The following NOL8 variants were observed in gnomAD, a reference collection of about 807,000 sequenced individuals.
NOL8 encodes nucleolar protein Nop132.
In NOL8, 93 loss-of-function variants were observed where a neutral mutation model predicts 116.1. That is an observed-to-expected ratio of 0.80 (90% CI 0.68 to 0.95). NOL8 has a LOEUF of 0.95. Ranked by LOEUF, NOL8 falls within the 40% of genes least tolerant of loss-of-function variation. The probability of loss-of-function intolerance (pLI) is 0.00; values close to 1 mark genes in which losing one functional copy is unlikely to be tolerated. For synonymous variants in NOL8, 419 were observed against 469.0 expected (o/e 0.89, Z 1.38); for missense variants, 1,291 against 1,382.8 (o/e 0.93, Z 1.05).
chr9:92,307,502 G>A (rs1230500747), intron 10 of NOL8, among the ~76,000 whole-genome samples: 3 of 151,922 alleles, frequency 2.0e-5, no homozygotes, highest in Non-Finnish European at 4.4e-5. Context: ...AAGTATTATG[G>A]GAAAAAAACC....
At chr9:92,324,317 T>C in intron 1 of NOL8, 108 bp from the exon 2 acceptor site, 1 of 904,760 alleles carries the variant, frequency 1.1e-6, no homozygotes. Context: ...TGTATTTCAC[T>C]TCCTATTGTA....
intron 3 of NOL8, 131 bp from the exon 4 acceptor site, chr9:92,321,877 A>G: frequency 1.8e-6 from 1 of 564,090 alleles, no homozygotes; most frequent in East Asian, 3.2e-5. Context: ...AAGTGGAAGA[A>G]AAGAAATGAG....
In NOL8 at chr9:92,305,760, T is replaced by C. The variant is rs1293306288; in HGVS notation, c.2896A>G (p.Lys966Glu). The C allele has an allele frequency of 1.2e-6, 2 of 1,605,062 alleles. No homozygotes were observed. Among genetic ancestry groups the C allele is most frequent in the South Asian group, 2.2e-5 (2 of 90,898 alleles). Residue 966 changes from lysine (K) to glutamate (E), a missense_variant, in exon 12 of 17, where the codon AAA becomes GAA. By Grantham distance (56) the Lys-to-Glu change is moderately conservative. Coordinates refer to ENST00000442668, the MANE Select transcript of NOL8 (RefSeq NM_017948.6). The part of the protein sequence containing the change: ...TYERKRDDKP[K>E]ESKAKRKKKR... The stretch of plus-strand genomic sequence containing the variant: ...AGAAGTAGCTCTACTTACCTTTCTT[T>C]TGGCTTATCATCTCTTTTTCTTTCG...
intron 13 of NOL8, chr9:92,300,796 T>G: frequency 8.9e-7 from 1 of 1,117,430 alleles, no homozygotes; most frequent in South Asian, 1.9e-5. Context: ...CCAGCCTGGG[T>G]GACAGAGACT....
chr9:92,306,016 C>T (rs939517704), intron 11 of NOL8, among the ~76,000 whole-genome samples, 186 bp from the exon 12 acceptor site: 2 of 152,126 alleles, frequency 1.3e-5, no homozygotes, highest in Non-Finnish European at 2.9e-5. Context: ...TTCTTGGAGA[C>T]AGAGTCTCGC....
chr9:92,317,428 C>G (rs1839510899), intron 6 of NOL8, among the ~76,000 whole-genome samples: 1 of 152,200 alleles, frequency 6.6e-6, no homozygotes, highest in Non-Finnish European at 1.5e-5. Flanking sequence ...AAGAAGAAAT[C>G]AGTACTTTCC....
At chr9:92,318,580 A>ACTGTGGTAACATCTAGTTAC in intron 6 of NOL8, 38 bp downstream of exon 6, 1 of 1,357,534 alleles carries the variant, frequency 7.4e-7, no homozygotes, top group East Asian at 2.3e-5. Context: ...AGTATCCGTC[A>ACTGTGGTAACATCTAGTTAC]CTGTGGTAAA....
Position 92,310,659 on chromosome 9 carries a change from G to GT in NOL8, c.2488dup (p.Thr830AsnfsTer7). ...ACTGCTATCAAACAGCTTCCCTGAT[G>GT]TTTTACCCATAGACTCCTGTGAAGA... On this transcript the variant is annotated frameshift_variant, in exon 9 of 17. Transcript: ENST00000442668. LOFTEE classifies it high-confidence loss of function. 6.2e-7 allele frequency: 1 copy of GT among 1,610,420 alleles called. No individual in the cohort carries two copies. The highest frequency in any genetic ancestry group is 8.5e-7 in the Non-Finnish European group (1 of 1,178,758).
At chr9:92,320,799 G>A (rs1472615733) in intron 4 of NOL8, among the ~76,000 whole-genome samples, 3 of 152,048 alleles carry the variant, frequency 2.0e-5, no homozygotes, top group Non-Finnish European at 2.9e-5. Flanking sequence ...TAGAGACGGG[G>A]TTTCACCACT....
chr9:92,314,570 A>G lies in NOL8; in HGVS notation c.2055T>C (p.Ser685=). ...PLEGKKSLSL[S]AKTHNIGFDK... is the part of the protein sequence containing the mutation. ...CAAAGCCTATGTTGTGAGTCTTTGC[A>G]CTAAGACTTAAGGACTTCTTACCTT... Residue 685 remains serine (S), a synonymous_variant, in exon 7 of 17, where the codon AGT becomes AGC. Transcript: ENST00000442668. The G allele has an allele frequency of 6.2e-7, 1 of 1,613,260 alleles. No individual in the cohort carries two copies. Among genetic ancestry groups the G allele is most frequent in the Non-Finnish European group, 8.5e-7 (1 of 1,179,508 alleles).
At chr9:92,319,867 A>T in intron 4 of NOL8, 1 of 362,568 alleles carries the variant, frequency 2.8e-6, no homozygotes, top group Non-Finnish European at 5.4e-6. Context: ...GTCCCACCAG[A>T]GCATGAGGGT....
chr9:92,301,065 A>C (rs1837699902), intron 13 of NOL8, among the ~76,000 whole-genome samples: 1 of 152,212 alleles, frequency 6.6e-6, no homozygotes, highest in African/African-American at 2.4e-5. Context: ...TGTATGTACT[A>C]GTGTTTATAC....
intron 6 of NOL8, among the ~76,000 whole-genome samples, chr9:92,316,349 CACT>C (rs1839409976): frequency 6.6e-6 from 1 of 152,092 alleles, no homozygotes; most frequent in Admixed American, 6.6e-5. Flanking sequence ...CTAGTACCAC[CACT>C]ATTAGTTGGC....
rs1466556639 is a variant in NOL8, at chr9:92,321,721, T to A, written c.228A>T (p.Lys76Asn). ...KKCMSVLNKT[K>N]WKGGTLQIQL... is the part of the protein sequence containing the mutation. ...GAATTTGTAATGTTCCACCTTTCCA[T>A]TTTGTTTTATTTAAAACAGACATAC... The change falls in exon 4 of 17, where the codon AAA becomes AAT. Residue 76 changes from lysine to asparagine, a missense_variant. Lys to Asn is a moderately conservative substitution (Grantham distance 94, BLOSUM62 0). Coordinates refer to ENST00000442668, the MANE Select transcript of NOL8 (RefSeq NM_017948.6). 1 of 1,516,554 alleles carries A rather than the reference T, an allele frequency of 6.6e-7. No individual in the cohort carries two copies. The allele number at this position is 1,516,554 out of a possible 1,614,324, so 93.9% of individuals were successfully genotyped here. A position where few individuals can be genotyped will look rare whatever the true frequency, so the allele number is the denominator to read the frequency against.
At chr9:92,321,860 C>A in intron 3 of NOL8, 114 bp from the exon 4 acceptor site, 1 of 585,674 alleles carries the variant, frequency 1.7e-6, no homozygotes, top group Non-Finnish European at 2.9e-6. Flanking sequence ...ACAAAGAGAT[C>A]CAGGGGAAGT....
rs1839711950 is a variant in NOL8, at chr9:92,319,312, G to A, written c.326C>T (p.Ser109Leu). ...TAACAAGTTGGCGTTACCTGTTGTT[G>A]ATTCTTCTTTCTTAGCTTTTGCTGC... Reference protein sequence around the residue: ...REAAKAKKEESTTGNANLLEK... With the variant: ...REAAKAKKEELTTGNANLLEK... The change falls in exon 5 of 17, where the codon TCA becomes TTA. Residue 109 changes from serine to leucine, a missense_variant. Ser to Leu is a moderately radical substitution (Grantham distance 145). Coordinates refer to ENST00000442668, the MANE Select transcript of NOL8 (RefSeq NM_017948.6). 1 of 1,597,638 alleles carries A rather than the reference G, an allele frequency of 6.3e-7. No homozygotes were observed. The highest frequency in any genetic ancestry group is 1.8e-5 in the Admixed American group (1 of 56,548).
At position 92,316,145 on chromosome 9, in the gene NOL8, C is replaced by T. The variant is rs1432590255; in HGVS notation, c.487-7G>A. The T allele has an allele frequency of 6.2e-7, 1 of 1,602,018 alleles. No homozygotes were observed. The highest frequency in any genetic ancestry group is 1.3e-5 in the African/African-American group (1 of 74,276). On this transcript the variant is annotated splice_polypyrimidine_tract_variant and splice_region_variant and intron_variant, in intron 6 of 16. Coordinates refer to ENST00000442668, the MANE Select transcript of NOL8 (RefSeq NM_017948.6). ...AGGGATCATATTTGATGATGTTACG[C>T]AAGTCAAGAAACAAAACTAAAGCAC...
At position 92,315,030 on chromosome 9, in the gene NOL8, A is replaced by G. The variant is rs762614058; in HGVS notation, c.1595T>C (p.Leu532Pro). The change falls in exon 7 of 17, where the codon CTC (leucine) becomes CCC (proline). Residue 532 changes from leucine (L) to proline (P), a missense_variant. Transcript: ENST00000442668. ...GSKSPKTPTG[L>P]RRGRQCIRPA... ...ACGAATACACTGTCGGCCTCTGCGG[A>G]GGCCAGTGGGAGTCTTGGGGCTCTT... 5.6e-6 allele frequency: 9 copies of G among 1,614,068 alleles called. No individual in the cohort carries two copies. The East Asian group carries it at 1.8e-4, about 32-fold the overall frequency.
At position 92,324,070 on chromosome 9, in the gene NOL8, A is replaced by C; in HGVS notation, c.92T>G (p.Phe31Cys). Reference protein sequence around the residue: ...EADLQNQFSRFGEVSDVEIIT... With the variant: ...EADLQNQFSRCGEVSDVEIIT... ...GATCTCCACATCCGAAACTTCTCCA[A>C]ATCTGCTGAACTGATTTTGTAGGTC... The change falls in exon 2 of 17, where the codon TTT (phenylalanine) becomes TGT (cysteine). Residue 31 changes from phenylalanine (F) to cysteine (C), a missense_variant. Phe to Cys is a radical substitution (Grantham distance 205, BLOSUM62 -2). Transcript: ENST00000442668. The C allele has an allele frequency of 6.2e-7, 1 of 1,613,966 alleles. No individual in the cohort carries two copies. Among genetic ancestry groups the C allele is most frequent in the Non-Finnish European group, 8.5e-7 (1 of 1,179,866 alleles).
Sources: gnomAD v4.1 joint callset for allele counts (sites outside exome capture counted in the v4.1 genomes callset) on GRCh38, gnomAD v4.1.1 for gene constraint, MANE v1.5 for transcripts, NCBI Gene and HGNC (gene_info 2026-07-23, HGNC 2026-07-21) for gene names.